RORA: variants seen among roughly 807,000 people sequenced by gnomAD.
RORA encodes nuclear receptor ROR-alpha.
RORA carries 7 observed loss-of-function variants against 69.5 expected under a neutral mutation model. The ratio of observed to expected loss-of-function variants is 0.10; its 90% CI spans 0.06 to 0.19. The LOEUF (loss-of-function observed/expected upper bound fraction) is 0.19, where lower values mean the gene tolerates loss of function less well. RORA is among the 10% of genes least tolerant of loss of function. RORA has a pLI of 1.00. For missense variants in RORA, 457 were observed against 663.0 expected, an observed-to-expected ratio of 0.69 and a Z score of 3.41; for synonymous variants, 261 against 240.8, an observed-to-expected ratio of 1.08 and a Z score of -0.78.
chr15:61,116,584 G>A (rs1379946153), intron 1 of RORA, among the ~76,000 whole-genome samples: 1 of 152,170 alleles, frequency 6.6e-6, no homozygotes, highest in East Asian at 1.9e-4. Flanking sequence ...CCATTGAAAT[G>A]TGACACTTTC....
intron 1 of RORA, among the ~76,000 whole-genome samples, chr15:60,727,969 A>G (rs1452590861): frequency 2.6e-5 from 4 of 152,218 alleles, no homozygotes; most frequent in Non-Finnish European, 5.9e-5. Flanking sequence ...TGAAAGGTCT[A>G]CCTGCTCACA....
At chr15:60,865,232 G>T (rs1407979232) in intron 1 of RORA, among the ~76,000 whole-genome samples, 1 of 152,148 alleles carries the variant, frequency 6.6e-6, no homozygotes, top group Non-Finnish European at 1.5e-5. Context: ...GAATTTCACT[G>T]CCTGAAACCT....
At chr15:60,939,257 AG>A (rs1892616815) in intron 1 of RORA, among the ~76,000 whole-genome samples, 1 of 152,170 alleles carries the variant, frequency 6.6e-6, no homozygotes, top group South Asian at 2.1e-4. Flanking sequence ...ACCATGAACC[AG>A]GCATTCTTTC....
chr15:60,890,275 G>A (rs1419824604), intron 1 of RORA, among the ~76,000 whole-genome samples: 2 of 152,150 alleles, frequency 1.3e-5, no homozygotes, highest in East Asian at 3.9e-4. Flanking sequence ...AGTTAATAGT[G>A]GAGGTGGGCC....
intron 1 of RORA, among the ~76,000 whole-genome samples, chr15:61,105,263 T>A (rs759782345): frequency 2.6e-5 from 4 of 152,184 alleles, no homozygotes; most frequent in African/African-American, 4.8e-5. Flanking sequence ...ATGAAATTAT[T>A]TATCTAAGGT....
At chr15:61,223,187 A>T (rs1186944799) in intron 1 of RORA, among the ~76,000 whole-genome samples, 1 of 151,826 alleles carries the variant, frequency 6.6e-6, no homozygotes, top group Non-Finnish European at 1.5e-5. Context: ...GGTGGTGCGC[A>T]CCTGTAGTCC....
At chr15:60,973,916 GA>G (rs1893802313) in intron 1 of RORA, among the ~76,000 whole-genome samples, 1 of 152,226 alleles carries the variant, frequency 6.6e-6, no homozygotes, top group African/African-American at 2.4e-5. Context: ...TTAGCTGATG[GA>G]GGATCACTTT....
At chr15:61,189,311 G>A (rs2079773867) in intron 1 of RORA, among the ~76,000 whole-genome samples, 1 of 152,206 alleles carries the variant, frequency 6.6e-6, no homozygotes, top group Non-Finnish European at 1.5e-5. Context: ...GAACGACAAA[G>A]GAGAAAGACA....
chr15:60,859,120 G>A (rs1300970766), intron 1 of RORA, among the ~76,000 whole-genome samples: 1 of 151,856 alleles, frequency 6.6e-6, no homozygotes, highest in African/African-American at 2.4e-5. Context: ...TCTTGGTCTG[G>A]CTTCCTTACT....
Position 61,128,945 on chromosome 15 carries a change from C to T in RORA, c.166+100108G>A, listed in dbSNP as rs1487079204. 6.6e-6 allele frequency among the ~76,000 whole-genome samples: 1 copy of T among 152,202 alleles called. No homozygotes were observed. The highest frequency in any genetic ancestry group is 1.5e-5 in the Non-Finnish European group (1 of 68,032). Reference sequence around the variant, plus strand: ...CCACGTGCCTGCCTTGGGCCCACTCCCTTCTACGAGTGCCCTTAACCCTTT... The same window carrying T: ...CCACGTGCCTGCCTTGGGCCCACTCTCTTCTACGAGTGCCCTTAACCCTTT... On this transcript the variant is annotated intron_variant, in intron 1 of 10. Coordinates refer to ENST00000335670, the MANE Select transcript of RORA (RefSeq NM_134261.3). This position sits in a 1 kb window ranked among gnomAD's most constrained non-coding sequence, Gnocchi z 4.5.
intron 2 of RORA, among the ~76,000 whole-genome samples, chr15:60,651,566 A>G (rs547393284): frequency 1.3e-5 from 2 of 152,180 alleles, no homozygotes; most frequent in African/African-American, 2.4e-5. Flanking sequence ...TACACAAAAC[A>G]TGCCACTATT....
intron 1 of RORA, among the ~76,000 whole-genome samples, chr15:61,000,506 C>G (rs918227406): frequency 6.6e-6 from 1 of 152,066 alleles, no homozygotes; most frequent in African/African-American, 2.4e-5. Context: ...GATCCTTGTC[C>G]AGGGAGCATG....
At chr15:60,763,668 G>A (rs771599408) in intron 1 of RORA, among the ~76,000 whole-genome samples, 1 of 152,118 alleles carries the variant, frequency 6.6e-6, no homozygotes, top group Non-Finnish European at 1.5e-5. Flanking sequence ...ATATGCCAGG[G>A]GGGTAGCTCC....
intron 6 of RORA, among the ~76,000 whole-genome samples, chr15:60,504,340 AG>A (rs1368365014): frequency 6.6e-6 from 1 of 151,736 alleles, no homozygotes; most frequent in Non-Finnish European, 1.5e-5. Context: ...TGAGGTCTGG[AG>A]TTCAAGACCA....
intron 1 of RORA, among the ~76,000 whole-genome samples, chr15:61,121,964 T>C (rs1028310148): frequency 2.0e-5 from 3 of 152,100 alleles, no homozygotes; most frequent in African/African-American, 7.2e-5. Context: ...CTAGTGTATA[T>C]GAAATCCTGG....
intron 1 of RORA, among the ~76,000 whole-genome samples, chr15:61,023,467 A>C (rs1388711934): frequency 6.6e-6 from 1 of 152,066 alleles, no homozygotes; most frequent in Non-Finnish European, 1.5e-5. Context: ...GGGGGAAACC[A>C]CCCCCATGAT....
At chr15:60,666,853 G>A (rs2070389770) in intron 2 of RORA, among the ~76,000 whole-genome samples, 1 of 152,150 alleles carries the variant, frequency 6.6e-6, no homozygotes, top group Admixed American at 6.5e-5. Flanking sequence ...AAAAGGCCTC[G>A]AATGCCATAC....
chr15:61,119,726 G>T (rs1267016714), intron 1 of RORA, among the ~76,000 whole-genome samples: 1 of 152,162 alleles, frequency 6.6e-6, no homozygotes, highest in Non-Finnish European at 1.5e-5. Flanking sequence ...TATTCTTGTG[G>T]ATGAGGCAAA....
intron 1 of RORA, among the ~76,000 whole-genome samples, chr15:60,874,714 T>C (rs1167640770): frequency 6.6e-6 from 1 of 152,210 alleles, no homozygotes; most frequent in Admixed American, 6.5e-5. Flanking sequence ...TATGGAAATT[T>C]AGAATTGAAA....
Sources: gnomAD v4.1 joint callset for allele counts (sites outside exome capture counted in the v4.1 genomes callset) on GRCh38, gnomAD v4.1.1 for gene constraint, Gnocchi (gnomAD v3.1) non-coding constraint, MANE v1.5 for transcripts, NCBI Gene and HGNC (gene_info 2026-07-23, HGNC 2026-07-21) for gene names.